Variants in ADGRF5 observed in about 807,000 individuals in gnomAD.
ADGRF5 encodes G-protein coupled receptor 116.
In ADGRF5, 75 loss-of-function variants were observed where a neutral mutation model predicts 132.3. The ratio of observed to expected loss-of-function variants is 0.57; its 90% CI spans 0.47 to 0.69. The LOEUF is 0.69. Among genes scored for constraint, ADGRF5 ranks in the 30% least tolerant of loss-of-function variants. The pLI is 0.00. For missense variants in ADGRF5, 1,516 were observed against 1,630.6 expected (o/e 0.93, Z 1.21); for synonymous variants, 629 against 597.6 (o/e 1.05, Z -0.77).
intron 2 of ADGRF5, among the ~76,000 whole-genome samples, chr6:46,906,075 G>A (rs545363362): frequency 2.0e-5 from 3 of 152,066 alleles, no homozygotes; most frequent in Non-Finnish European, 4.4e-5. Context: ...GGAATAAGGG[G>A]GTACTTATCC....
chr6:46,878,649 A>G (rs1303648726), intron 9 of ADGRF5, among the ~76,000 whole-genome samples: 13 of 152,192 alleles, frequency 8.5e-5, no homozygotes, highest in Admixed American at 8.5e-4. Flanking sequence ...GGACTTTTCT[A>G]ATAAGAAAAA....
chr6:46,937,324 C>T (rs1411238258), intron 1 of ADGRF5, among the ~76,000 whole-genome samples: 1 of 151,900 alleles, frequency 6.6e-6, no homozygotes, highest in East Asian at 1.9e-4. Context: ...CCTTATGACA[C>T]TTACCTCATG....
rs1768687766 is a variant in ADGRF5, at chr6:46,853,354, G to A, written c.*638C>T. 1 of 151,708 alleles carries A rather than the reference G, an allele frequency of 6.6e-6. No homozygotes were observed. The highest frequency in any genetic ancestry group is 2.1e-4 in the South Asian group (1 of 4,806). The allele number at this position is 151,708 out of a possible 1,614,324, so 9.4% of individuals were successfully genotyped here. ...CTCTTAGCTAAGAAGACATCAGGAA[G>A]ATACTGCCCAAAGTATTCATTCCCC... On this transcript the variant is annotated 3_prime_UTR_variant, in exon 21 of 21. Coordinates refer to ENST00000283296, the MANE Select transcript of ADGRF5 (RefSeq NM_001098518.2).
In ADGRF5 at chr6:46,915,552, G is replaced by A. The variant is rs193213678; in HGVS notation, c.-25+6161C>T. On this transcript the variant is annotated intron_variant, in intron 1 of 20. Coordinates refer to ENST00000283296, the MANE Select transcript of ADGRF5 (RefSeq NM_001098518.2). ...TACAGTAATTGGCAGGGCCACCTTAGCCTTCTGCACTTCCTCCCTTTATGG... is the reference window on the plus strand; with the variant it reads ...TACAGTAATTGGCAGGGCCACCTTAACCTTCTGCACTTCCTCCCTTTATGG... Among the ~76,000 whole-genome samples the A allele has an allele frequency of 1.1e-4, 16 of 152,222 alleles. No homozygotes were observed. In the East Asian group the frequency reaches 2.3e-3, roughly 22 times the overall value.
intron 1 of ADGRF5, among the ~76,000 whole-genome samples, chr6:46,936,562 C>A (rs573115401): frequency 5.9e-5 from 9 of 152,186 alleles, no homozygotes; most frequent in Middle Eastern, 3.4e-3. Flanking sequence ...TGCACGCATT[C>A]ATTCCATCAT....
chr6:46,952,631 T>G (rs752275252), intron 1 of ADGRF5, among the ~76,000 whole-genome samples: 1 of 152,210 alleles, frequency 6.6e-6, no homozygotes, highest in Non-Finnish European at 1.5e-5. Context: ...AAAATATCCT[T>G]GGAAGATTCA....
At chr6:46,888,787 T>C (rs558069337) in intron 3 of ADGRF5, among the ~76,000 whole-genome samples, 1 of 152,134 alleles carries the variant, frequency 6.6e-6, no homozygotes, top group Non-Finnish European at 1.5e-5. Flanking sequence ...TCGGGCAAAA[T>C]ATGTCACAGT....
At chr6:46,920,619 T>G (rs992994385) in intron 1 of ADGRF5, among the ~76,000 whole-genome samples, 1 of 151,934 alleles carries the variant, frequency 6.6e-6, no homozygotes. Context: ...TTCCAGCATT[T>G]TGGGAGGCCG....
At chr6:46,897,018 T>C (rs1774248163) in intron 3 of ADGRF5, among the ~76,000 whole-genome samples, 1 of 152,048 alleles carries the variant, frequency 6.6e-6, no homozygotes, top group South Asian at 2.1e-4. Flanking sequence ...TATGCACATT[T>C]TGGTATCTGA....
chr6:46,899,927 G>T, intron 3 of ADGRF5, 102 bp downstream of exon 3: 2 of 824,718 alleles, frequency 2.4e-6, no homozygotes, highest in Non-Finnish European at 4.3e-6. Context: ...ACCCTGATGT[G>T]ATTGGAGGCT....
chr6:46,936,152 C>A (rs1777812905), intron 1 of ADGRF5, among the ~76,000 whole-genome samples: 1 of 152,168 alleles, frequency 6.6e-6, no homozygotes, highest in African/African-American at 2.4e-5. Flanking sequence ...CTCTCCTCAC[C>A]CCCATTTTAC....
intron 3 of ADGRF5, among the ~76,000 whole-genome samples, chr6:46,897,145 TACACACAC>T (rs10655432): frequency 9.9e-5 from 14 of 141,874 alleles, no homozygotes; most frequent in African/African-American, 3.2e-4. Flanking sequence ...TGCATATATA[TACACACAC>T]ACACACACAC....
intron 11 of ADGRF5, 82 bp downstream of exon 11, chr6:46,871,761 T>C: frequency 1.0e-6 from 1 of 971,436 alleles, no homozygotes; most frequent in South Asian, 2.1e-5. Context: ...CTCATAGATA[T>C]TTCCATAGCT....
At chr6:46,865,446 C>A (rs1770305781) in intron 13 of ADGRF5, among the ~76,000 whole-genome samples, 1 of 152,228 alleles carries the variant, frequency 6.6e-6, no homozygotes, top group South Asian at 2.1e-4. Context: ...AATGCCTTTT[C>A]AGCATTCCAC....
chr6:46,934,223 T>G (rs1777708011), intron 1 of ADGRF5, among the ~76,000 whole-genome samples: 1 of 152,096 alleles, frequency 6.6e-6, no homozygotes. Context: ...CACACATGCA[T>G]GCACACTCCT....
rs1269902355 is a variant in ADGRF5 at position 46,858,177 on chromosome 6, C to G, written c.3726G>C (p.Gly1242=). Residue 1242 remains glycine, a synonymous_variant, in exon 17 of 21, where the codon GGG becomes GGC. Coordinates refer to ENST00000283296, the MANE Select transcript of ADGRF5 (RefSeq NM_001098518.2). ...WGFGLTTVFP[G]TNLVFHIIFA... Reference sequence around the variant, plus strand: ...ATATGATATGGAACACAAGGTTGGTCCCTGGGAACACAGTGGTGAGACCAA... The same window carrying G: ...ATATGATATGGAACACAAGGTTGGTGCCTGGGAACACAGTGGTGAGACCAA... The G allele has an allele frequency of 8.1e-6, 13 of 1,613,908 alleles. No homozygotes were observed. Among genetic ancestry groups the G allele is most frequent in the Non-Finnish European group, 1.0e-5 (12 of 1,179,970 alleles).
chr6:46,881,602 A>G lies in ADGRF5; in HGVS notation c.672-5T>C. On this transcript the variant is annotated splice_polypyrimidine_tract_variant and splice_region_variant and intron_variant, in intron 7 of 20. Transcript: ENST00000283296. Reference sequence around the variant, plus strand: ...GTCACAACCACACTTCCAGACCTGGACAGAGACCACTCAGTTCAGTAAAAC... The same window carrying G: ...GTCACAACCACACTTCCAGACCTGGGCAGAGACCACTCAGTTCAGTAAAAC... 1.2e-6 allele frequency: 2 copies of G among 1,613,298 alleles called. No homozygotes were observed. Among genetic ancestry groups the G allele is most frequent in the Non-Finnish European group, 1.7e-6 (2 of 1,179,422 alleles).
chr6:46,907,635 A>G (rs1476237015), intron 1 of ADGRF5, among the ~76,000 whole-genome samples: 1 of 152,152 alleles, frequency 6.6e-6, no homozygotes, highest in African/African-American at 2.4e-5. Flanking sequence ...CCTCCACCCT[A>G]GAAGGTCTAG....
intron 1 of ADGRF5, among the ~76,000 whole-genome samples, chr6:46,911,577 G>A (rs1341717390): frequency 6.6e-6 from 1 of 152,160 alleles, no homozygotes; most frequent in African/African-American, 2.4e-5. Flanking sequence ...CTCCCTCACA[G>A]ATGAAGGTTT....
Sources: gnomAD v4.1 joint callset for allele counts (sites outside exome capture counted in the v4.1 genomes callset) on GRCh38, gnomAD v4.1.1 for gene constraint, MANE v1.5 for transcripts, NCBI Gene and HGNC (gene_info 2026-07-23, HGNC 2026-07-21) for gene names.